The following YAP1 variants were observed in gnomAD, a reference collection of about 807,000 sequenced individuals.
The protein encoded by YAP1 is Yes1 associated transcriptional regulator, also known as transcriptional coactivator YAP1.
YAP1 carries 5 observed loss-of-function variants against 56.9 expected under a neutral mutation model. The observed-to-expected ratio is 0.09, with a 90% CI of 0.05 to 0.18. The LOEUF (loss-of-function observed/expected upper bound fraction) is 0.18, where lower values mean the gene tolerates loss of function less well. Ranked by LOEUF, YAP1 falls within the 10% of genes least tolerant of loss-of-function variation. YAP1 has a pLI of 1.00. For missense variants in YAP1, 539 were observed against 651.8 expected, an observed-to-expected ratio of 0.83 and a Z score of 1.88; for synonymous variants, 265 against 248.1, an observed-to-expected ratio of 1.07 and a Z score of -0.64.
chr11:102,156,618 A>G (rs1319063379), intron 2 of YAP1, among the ~76,000 whole-genome samples: 2 of 152,206 alleles, frequency 1.3e-5, no homozygotes, highest in Admixed American at 6.5e-5. Context: ...TCATACTCTA[A>G]TGACATCTGT....
intron 2 of YAP1, among the ~76,000 whole-genome samples, chr11:102,156,448 C>G (rs1945950955): frequency 6.6e-6 from 1 of 152,200 alleles, no homozygotes; most frequent in Admixed American, 6.5e-5. Context: ...AAAACACTTA[C>G]AGCAGACTTT....
intron 2 of YAP1, among the ~76,000 whole-genome samples, chr11:102,160,409 C>A (rs1439107645): frequency 6.6e-6 from 1 of 152,120 alleles, no homozygotes; most frequent in African/African-American, 2.4e-5. Context: ...TATCTCTTTA[C>A]CAGTGCTATC....
intron 2 of YAP1, among the ~76,000 whole-genome samples, chr11:102,128,136 T>C (rs1944147088): frequency 6.6e-6 from 1 of 152,104 alleles, no homozygotes; most frequent in Non-Finnish European, 1.5e-5. Context: ...AGTAAGACTT[T>C]GGGGGAACTG....
chr11:102,151,571 A>G (rs1293457501), intron 2 of YAP1, among the ~76,000 whole-genome samples: 1 of 152,092 alleles, frequency 6.6e-6, no homozygotes, highest in Non-Finnish European at 1.5e-5. Context: ...CTGTCATTTT[A>G]TATTCAAGTT....
chr11:102,151,606 A>G (rs1327533113), intron 2 of YAP1, among the ~76,000 whole-genome samples: 1 of 152,170 alleles, frequency 6.6e-6, no homozygotes, highest in African/African-American at 2.4e-5. Context: ...CTTTCCCACT[A>G]GAAGATAAGC....
In YAP1 at chr11:102,230,358, C is replaced by T. The variant is rs1188968130; in HGVS notation, c.*418C>T. 2 of 163,114 alleles carry T rather than the reference C, an allele frequency of 1.2e-5. No homozygotes were observed. The highest frequency in any genetic ancestry group is 2.7e-5 in the Non-Finnish European group (2 of 74,480). The allele number at this position is 163,114 out of a possible 1,614,324, so 10.1% of individuals were successfully genotyped here. A position where few individuals can be genotyped will look rare whatever the true frequency, so the allele number is the denominator to read the frequency against. On this transcript the variant is annotated 3_prime_UTR_variant, in exon 9 of 9. Transcript: ENST00000282441. ...TGTTCAACAGTTGTTTCTTCAGCTT[C>T]CTTTGTCCAGTGGAAAAACATGATT...
At position 102,209,575 on chromosome 11, in the gene YAP1, A is replaced by G; in HGVS notation, c.1032+11A>G. The G allele has an allele frequency of 6.4e-7, 1 of 1,572,190 alleles. No individual in the cohort carries two copies. Among genetic ancestry groups the G allele is most frequent in the Non-Finnish European group, 8.6e-7 (1 of 1,164,996 alleles). ...TCTCCAAAATGTCAGGTAGGCTCTT[A>G]TCTGATGTTTTAGCACTGGAAAAAA... On this transcript the variant is annotated intron_variant, in intron 6 of 8. Transcript: ENST00000282441.
At chr11:102,198,286 A>G (rs1385184378) in intron 4 of YAP1, among the ~76,000 whole-genome samples, 1 of 152,188 alleles carries the variant, frequency 6.6e-6, no homozygotes, top group Non-Finnish European at 1.5e-5. Context: ...CAACCAATTC[A>G]GTTTGTTGTC....
intron 6 of YAP1, among the ~76,000 whole-genome samples, chr11:102,220,960 C>T (rs952774722): frequency 1.3e-5 from 2 of 152,158 alleles, no homozygotes; most frequent in African/African-American, 4.8e-5. Context: ...CACTGATCAT[C>T]GTCTCAAAAC....
chr11:102,173,235 A>AATAGG (rs1947023964), intron 3 of YAP1, among the ~76,000 whole-genome samples: 1 of 152,168 alleles, frequency 6.6e-6, no homozygotes, highest in Non-Finnish European at 1.5e-5. Flanking sequence ...GGAACCTCTA[A>AATAGG]TACCATATTG....
At chr11:102,144,237 C>A (rs2135307781) in intron 2 of YAP1, among the ~76,000 whole-genome samples, 1 of 152,238 alleles carries the variant, frequency 6.6e-6, no homozygotes, top group East Asian at 1.9e-4. Context: ...ATAGAGAAAT[C>A]CCAGTAATAT....
intron 2 of YAP1, among the ~76,000 whole-genome samples, chr11:102,160,827 GATGACTGTGCCCC>G (rs1413464206): frequency 2.0e-5 from 3 of 152,082 alleles, no homozygotes; most frequent in African/African-American, 7.2e-5. Flanking sequence ...CTCTCTGAAG[GATGACTGTGCCCC>G]ATCAATAATC....
At chr11:102,186,986 C>G (rs1947998164) in intron 4 of YAP1, among the ~76,000 whole-genome samples, 2 of 152,074 alleles carry the variant, frequency 1.3e-5, no homozygotes, top group South Asian at 2.1e-4. Flanking sequence ...AAACAATGTG[C>G]AGATCACTGA....
intron 3 of YAP1, among the ~76,000 whole-genome samples, chr11:102,184,138 CA>C (rs1947817254): frequency 6.6e-6 from 1 of 151,408 alleles, no homozygotes; most frequent in African/African-American, 2.4e-5. Flanking sequence ...TTGAGGCTCC[CA>C]AAGGCATTCA....
rs745691073 is a variant in YAP1 at position 102,110,992 on chromosome 11, C to T, written c.144C>T (p.Pro48=). Residue 48 remains proline, a synonymous_variant, in exon 1 of 9, where the codon CCC becomes CCT. Transcript: ENST00000282441. ...PAATQAAPQA[P]PAGHQIVHVR... is the part of the protein sequence containing the mutation. Reference sequence around the variant, plus strand: ...CGACCCAGGCGGCGCCGCAGGCACCCCCCGCCGGGCATCAGATCGTGCACG... The same window carrying T: ...CGACCCAGGCGGCGCCGCAGGCACCTCCCGCCGGGCATCAGATCGTGCACG... The T allele has an allele frequency of 5.1e-6, 8 of 1,557,710 alleles. No individual in the cohort carries two copies. The Admixed American group carries it at 1.1e-4, about 22-fold the overall frequency.
At chr11:102,136,487 G>A (rs750449038) in intron 2 of YAP1, among the ~76,000 whole-genome samples, 8 of 151,736 alleles carry the variant, frequency 5.3e-5, no homozygotes, top group Non-Finnish European at 1.0e-4. Flanking sequence ...ACTACAGGTG[G>A]GTACTGCTAC....
rs563669353 is a variant in YAP1 at position 102,167,829 on chromosome 11, G to A, written c.688+5258G>A. ...AAGGTGGGAGGATTGCTTGAGCCTAGGAGTTCAAGACCAGCCTGGGCAACA... is the reference window on the plus strand; with the variant it reads ...AAGGTGGGAGGATTGCTTGAGCCTAAGAGTTCAAGACCAGCCTGGGCAACA... On this transcript the variant is annotated intron_variant, in intron 3 of 8. Coordinates refer to ENST00000282441, the MANE Select transcript of YAP1 (RefSeq NM_001130145.3). Among the ~76,000 whole-genome samples the A allele has an allele frequency of 4.6e-5, 7 of 152,238 alleles. No individual in the cohort carries two copies. The East Asian group carries it at 1.4e-3, about 29-fold the overall frequency.
At chr11:102,146,017 G>A (rs1461692484) in intron 2 of YAP1, among the ~76,000 whole-genome samples, 1 of 152,156 alleles carries the variant, frequency 6.6e-6, no homozygotes. Flanking sequence ...AATTCAGTTA[G>A]GTCAAGTTAG....
intron 6 of YAP1, among the ~76,000 whole-genome samples, chr11:102,212,181 T>C (rs1200047285): frequency 6.6e-6 from 1 of 152,240 alleles, no homozygotes; most frequent in African/African-American, 2.4e-5. Flanking sequence ...GTAATAGATA[T>C]TAATGCAGCT....
Sources: allele counts gnomAD v4.1 joint callset (sites outside exome capture counted in the v4.1 genomes callset), GRCh38; gene constraint gnomAD v4.1.1; transcripts MANE v1.5; gene names NCBI Gene and HGNC (gene_info 2026-07-23, HGNC 2026-07-21).